LMNTD1: variants seen among roughly 807,000 people sequenced by gnomAD.
LMNTD1 encodes the protein lamin tail domain-containing protein 1.
LMNTD1 carries 35 observed loss-of-function variants against 50.9 expected under a neutral mutation model. The ratio of observed to expected loss-of-function variants is 0.69; its 90% CI spans 0.53 to 0.91. The LOEUF (loss-of-function observed/expected upper bound fraction) is 0.91, where lower values mean the gene tolerates loss of function less well. LMNTD1 is among the 40% of genes least tolerant of loss of function. The pLI, the probability that LMNTD1 is intolerant of heterozygous loss-of-function variation, is 0.00. For synonymous variants in LMNTD1, 153 were observed against 161.9 expected, an observed-to-expected ratio of 0.94 and a Z score of 0.42; for missense variants, 470 against 475.5, an observed-to-expected ratio of 0.99 and a Z score of 0.11.
At chr12:25,519,526 T>G (rs925722860) in intron 7 of LMNTD1, among the ~76,000 whole-genome samples, 5 of 141,542 alleles carry the variant, frequency 3.5e-5, no homozygotes, top group Admixed American at 3.0e-4. Flanking sequence ...GGGCGGAGCC[T>G]GCAGTGAGCC....
chr12:25,630,818 C>T (rs1393215492), intron 1 of LMNTD1: 2 of 152,264 alleles, frequency 1.3e-5, no homozygotes, highest in Non-Finnish European at 2.9e-5. Flanking sequence ...GGCGAGAAGC[C>T]TCGTGGCTAG....
chr12:25,626,341 T>TATATAC (rs71661257), intron 1 of LMNTD1, among the ~76,000 whole-genome samples: 59 of 150,418 alleles, frequency 3.9e-4, no homozygotes, highest in African/African-American at 1.3e-3. Flanking sequence ...TATATATATA[T>TATATAC]ACACACACAC....
At chr12:25,480,493 A>C (rs1220687478) in intron 9 of LMNTD1, among the ~76,000 whole-genome samples, 1 of 152,156 alleles carries the variant, frequency 6.6e-6, no homozygotes, top group Non-Finnish European at 1.5e-5. Context: ...TCCTGATCCT[A>C]TGCTGTAGTC....
At chr12:25,522,938 C>T (rs988767637) in intron 6 of LMNTD1, among the ~76,000 whole-genome samples, 4 of 152,106 alleles carry the variant, frequency 2.6e-5, no homozygotes, top group East Asian at 1.9e-4. Flanking sequence ...GTAGCTGTAT[C>T]GAATATTAAC....
At chr12:25,537,681 G>T (rs1375754323) in intron 4 of LMNTD1, among the ~76,000 whole-genome samples, 14 of 152,112 alleles carry the variant, frequency 9.2e-5, no homozygotes, top group Non-Finnish European at 1.6e-4. Context: ...CTCCTCCAAA[G>T]GAACGCAGCT....
At chr12:25,571,638 C>T (rs1485227757) in intron 1 of LMNTD1, among the ~76,000 whole-genome samples, 2 of 151,700 alleles carry the variant, frequency 1.3e-5, no homozygotes, top group Non-Finnish European at 2.9e-5. Flanking sequence ...GCTGGGATTA[C>T]AGGCATGAGC....
At chr12:25,576,455 T>G (rs1468477386) in intron 1 of LMNTD1, among the ~76,000 whole-genome samples, 1 of 152,204 alleles carries the variant, frequency 6.6e-6, no homozygotes, top group Non-Finnish European at 1.5e-5. Flanking sequence ...TGATGAGCAT[T>G]TTTTCATGTG....
chr12:25,626,066 C>T (rs539684889), intron 1 of LMNTD1, among the ~76,000 whole-genome samples: 2 of 152,218 alleles, frequency 1.3e-5, no homozygotes, highest in East Asian at 3.9e-4. Context: ...TAGCATGGGG[C>T]TGTACTTTTT....
intron 1 of LMNTD1, among the ~76,000 whole-genome samples, chr12:25,639,185 T>G (rs1946899174): frequency 1.3e-5 from 2 of 152,172 alleles, no homozygotes; most frequent in Non-Finnish European, 1.5e-5. Context: ...CATAGACCTA[T>G]ATGTAAGAGT....
At chr12:25,502,471 A>G (rs1939447077) in intron 9 of LMNTD1, among the ~76,000 whole-genome samples, 1 of 152,234 alleles carries the variant, frequency 6.6e-6, no homozygotes. Flanking sequence ...AGCAAGGACT[A>G]TATTACTAGG....
At chr12:25,498,078 A>G (rs1378226707) in intron 9 of LMNTD1, among the ~76,000 whole-genome samples, 1 of 152,194 alleles carries the variant, frequency 6.6e-6, no homozygotes, top group Non-Finnish European at 1.5e-5. Flanking sequence ...ATAGAGCTAC[A>G]AGGAATAGGC....
At chr12:25,504,620 C>T (rs1000410085) in intron 8 of LMNTD1, among the ~76,000 whole-genome samples, 1 of 152,180 alleles carries the variant, frequency 6.6e-6, no homozygotes, top group Non-Finnish European at 1.5e-5. Context: ...ATACCTAAGC[C>T]TTTCTTTTTC....
intron 1 of LMNTD1, chr12:25,592,869 T>A (rs1945740576): frequency 6.6e-6 from 1 of 152,214 alleles, no homozygotes; most frequent in South Asian, 2.1e-4. Context: ...TTGGTGCTGT[T>A]GTAGGGGGTG....
At chr12:25,550,258 A>G (rs1943673429) in intron 2 of LMNTD1, among the ~76,000 whole-genome samples, 1 of 152,216 alleles carries the variant, frequency 6.6e-6, no homozygotes, top group South Asian at 2.1e-4. Flanking sequence ...AATCATTTGA[A>G]CAAGGTTCAT....
intron 4 of LMNTD1, among the ~76,000 whole-genome samples, chr12:25,529,954 C>A (rs1397418232): frequency 1.3e-5 from 2 of 152,142 alleles, no homozygotes; most frequent in Non-Finnish European, 2.9e-5. Context: ...GCTTCACTCA[C>A]CATGCACACA....
At chr12:25,535,323 T>C (rs1427742713) in intron 4 of LMNTD1, among the ~76,000 whole-genome samples, 1 of 152,098 alleles carries the variant, frequency 6.6e-6, no homozygotes, top group Non-Finnish European at 1.5e-5. Flanking sequence ...TAAACTATGG[T>C]ACAACTTCAA....
chr12:25,489,333 C>T (rs947897384), intron 9 of LMNTD1, among the ~76,000 whole-genome samples: 19 of 150,698 alleles, frequency 1.3e-4, no homozygotes, highest in Admixed American at 2.0e-4. Flanking sequence ...TCTGGTGGTG[C>T]GCCGTTTTTT....
At chr12:25,627,719 T>A (rs887008319) in intron 1 of LMNTD1, among the ~76,000 whole-genome samples, 4 of 152,234 alleles carry the variant, frequency 2.6e-5, no homozygotes, top group Non-Finnish European at 5.9e-5. Flanking sequence ...CCACAACACA[T>A]GTGGTAATAA....
At chr12:25,489,748 T>C (rs1050812656) in intron 9 of LMNTD1, among the ~76,000 whole-genome samples, 3 of 152,186 alleles carry the variant, frequency 2.0e-5, no homozygotes, top group Non-Finnish European at 4.4e-5. Context: ...AACCTGGTGA[T>C]ATTATTGAAA....
Sources: allele counts gnomAD v4.1 joint callset (sites outside exome capture counted in the v4.1 genomes callset), GRCh38; gene constraint gnomAD v4.1.1; transcripts MANE v1.5; gene names NCBI Gene and HGNC (gene_info 2026-07-23, HGNC 2026-07-21).